Variants in AUTS2 observed in about 807,000 individuals in gnomAD.
AUTS2 encodes activator of transcription and developmental regulator AUTS2, also known as autism susceptibility gene 2 protein.
In AUTS2, 17 loss-of-function variants were observed where a neutral mutation model predicts 112.4. The ratio of observed to expected loss-of-function variants is 0.15; its 90% CI spans 0.10 to 0.23. The LOEUF (loss-of-function observed/expected upper bound fraction) is 0.23. Ranked by LOEUF, AUTS2 falls within the 10% of genes least tolerant of loss-of-function variation. The pLI, the probability that AUTS2 is intolerant of heterozygous loss-of-function variation, is 1.00. For missense variants in AUTS2, 1,510 were observed against 1,701.6 expected, an observed-to-expected ratio of 0.89 and a Z score of 1.98; for synonymous variants, 751 against 702.7, an observed-to-expected ratio of 1.07 and a Z score of -1.09.
At chr7:70,614,804 C>A (rs571232146) in intron 5 of AUTS2, among the ~76,000 whole-genome samples, 1 of 152,348 alleles carries the variant, frequency 6.6e-6, no homozygotes, top group East Asian at 1.9e-4. Flanking sequence ...GGGAGAAAGC[C>A]TAGCCAGCTG....
chr7:70,513,843 AGAAAT>A (rs1799304980), intron 5 of AUTS2, among the ~76,000 whole-genome samples: 1 of 151,984 alleles, frequency 6.6e-6, no homozygotes, highest in Admixed American at 6.6e-5. Context: ...TATTTTTAGT[AGAAAT>A]GAGGTTTCAC....
At position 70,098,713 on chromosome 7, in the gene AUTS2, T is replaced by C. The variant is rs1042362172; in HGVS notation, c.523-19419T>C. Among the ~76,000 whole-genome samples the C allele has an allele frequency of 4.0e-5, 6 of 151,848 alleles. No homozygotes were observed. In the South Asian group the frequency reaches 1.0e-3, roughly 26 times the overall value. ...TTTAAACTTTTTTCTTTTCTTTTTT[T>C]TTTTTTGAGACAGAGTTTTGCTCTT... On this transcript the variant is annotated intron_variant, in intron 2 of 18. Coordinates refer to ENST00000342771, the MANE Select transcript of AUTS2 (RefSeq NM_015570.4).
intron 1 of AUTS2, among the ~76,000 whole-genome samples, chr7:69,801,475 A>C (rs965905163): frequency 2.0e-5 from 3 of 149,508 alleles, no homozygotes; most frequent in African/African-American, 7.3e-5. Flanking sequence ...TATATATAAA[A>C]TATTTATACC....
chr7:70,223,227 A>G (rs955275965), intron 4 of AUTS2, among the ~76,000 whole-genome samples: 18 of 152,142 alleles, frequency 1.2e-4, no homozygotes, highest in African/African-American at 4.3e-4. Flanking sequence ...TTATTTAACA[A>G]TGAACTTCCT....
chr7:69,963,890 T>A lies in AUTS2; in HGVS notation c.522+64392T>A, dbSNP rs1320215705. On this transcript the variant is annotated intron_variant, in intron 2 of 18. Transcript: ENST00000342771. ...CTCCTGTAAAGTAGCCTTTTCTCCCTGCTGCCACTGGTTCATTTCCTTTTC... is the reference window on the plus strand; with the variant it reads ...CTCCTGTAAAGTAGCCTTTTCTCCCAGCTGCCACTGGTTCATTTCCTTTTC... Among the ~76,000 whole-genome samples, 30 of 152,150 alleles carry A rather than the reference T, an allele frequency of 2.0e-4. 1 individual carries two copies. The highest frequency in any genetic ancestry group is 2.0e-3 in the Admixed American group (30 of 15,262).
intron 1 of AUTS2, among the ~76,000 whole-genome samples, chr7:69,845,562 A>G (rs1399320019): frequency 6.6e-6 from 1 of 152,192 alleles, no homozygotes; most frequent in Non-Finnish European, 1.5e-5. Context: ...TTGGTTTGTA[A>G]GTGACTACGA....
intron 4 of AUTS2, among the ~76,000 whole-genome samples, chr7:70,353,521 A>AT (rs753872200): frequency 6.6e-5 from 10 of 152,234 alleles, no homozygotes; most frequent in Non-Finnish European, 1.3e-4. Context: ...AGCAGGACAT[A>AT]TGCCAAGTAT....
chr7:69,972,959 T>G (rs189639170), intron 2 of AUTS2, among the ~76,000 whole-genome samples: 51 of 152,302 alleles, frequency 3.3e-4, no homozygotes, highest in Admixed American at 3.3e-3. Flanking sequence ...AATTTTATAA[T>G]AACCTCATCT....
intron 1 of AUTS2, among the ~76,000 whole-genome samples, chr7:69,624,765 G>A (rs1371745370): frequency 6.6e-6 from 1 of 152,116 alleles, no homozygotes; most frequent in Non-Finnish European, 1.5e-5. Flanking sequence ...TGCTCTGAAT[G>A]GCTCTCCATC....
chr7:70,217,842 C>T (rs1463881279), intron 4 of AUTS2, among the ~76,000 whole-genome samples: 1 of 152,194 alleles, frequency 6.6e-6, no homozygotes, highest in African/African-American at 2.4e-5. Context: ...GAAGAAAGGC[C>T]ATACTTTAAC....
intron 5 of AUTS2, among the ~76,000 whole-genome samples, chr7:70,558,123 A>G (rs914628504): frequency 6.6e-6 from 1 of 152,112 alleles, no homozygotes; most frequent in African/African-American, 2.4e-5. Flanking sequence ...ACCTCACTGT[A>G]TCAGAAGTTG....
intron 5 of AUTS2, among the ~76,000 whole-genome samples, chr7:70,651,830 G>A (rs550669158): frequency 6.6e-6 from 1 of 152,232 alleles, no homozygotes; most frequent in South Asian, 2.1e-4. Context: ...AGAAGTATTT[G>A]GAACTGGGGC....
intron 1 of AUTS2, among the ~76,000 whole-genome samples, chr7:69,713,648 A>T (rs1018070246): frequency 6.6e-6 from 1 of 151,786 alleles, no homozygotes; most frequent in Non-Finnish European, 1.5e-5. Flanking sequence ...TTTAGTAGAG[A>T]TGGGGTTTCA....
Position 70,265,117 on chromosome 7 carries a change from A to T in AUTS2, c.660+130546A>T, listed in dbSNP as rs185359132. Among the ~76,000 whole-genome samples, 35 of 152,358 alleles carry T rather than the reference A, an allele frequency of 2.3e-4. No individual in the cohort carries two copies. The East Asian group carries it at 4.8e-3, about 21-fold the overall frequency. On this transcript the variant is annotated intron_variant, in intron 4 of 18. Coordinates refer to ENST00000342771, the MANE Select transcript of AUTS2 (RefSeq NM_015570.4). ...AGCATTTATTGCTTTAATCTGAGAA[A>T]AAAATAAGACTTCCAGTGTTTATAT...
intron 1 of AUTS2, among the ~76,000 whole-genome samples, chr7:69,708,886 A>AT (rs1242108384): frequency 6.6e-6 from 1 of 152,146 alleles, no homozygotes; most frequent in Non-Finnish European, 1.5e-5. Context: ...AGTTTTTTCC[A>AT]TTTATTGCTG....
At chr7:70,711,549 C>T (rs73165369) in intron 6 of AUTS2, among the ~76,000 whole-genome samples, 15,971 of 152,250 alleles carry the variant, frequency 0.1, 1,358 homozygotes, top group East Asian at 0.4. Context: ...GAGCAGCTGC[C>T]ATCAGTGTCG....
chr7:70,174,924 C>T (rs1334680321), intron 4 of AUTS2, among the ~76,000 whole-genome samples: 1 of 151,924 alleles, frequency 6.6e-6, no homozygotes, highest in Non-Finnish European at 1.5e-5. Context: ...TTTATTTTAC[C>T]ATTCATGGAT....
chr7:69,973,685 A>G (rs748549299), intron 2 of AUTS2, among the ~76,000 whole-genome samples: 1 of 152,052 alleles, frequency 6.6e-6, no homozygotes, highest in Non-Finnish European at 1.5e-5. Flanking sequence ...GTGTTAATTG[A>G]TATAATTATT....
At chr7:70,170,794 G>A (rs548679752) in intron 4 of AUTS2, among the ~76,000 whole-genome samples, 3 of 152,138 alleles carry the variant, frequency 2.0e-5, no homozygotes, top group African/African-American at 7.2e-5. Context: ...TTTTAGTAGA[G>A]ACAGGGTTTC....
Sources: gnomAD v4.1 joint callset for allele counts (sites outside exome capture counted in the v4.1 genomes callset) on GRCh38, gnomAD v4.1.1 for gene constraint, MANE v1.5 for transcripts, NCBI Gene and HGNC (gene_info 2026-07-23, HGNC 2026-07-21) for gene names.